Variants in DACH2 observed in about 807,000 individuals in gnomAD.
DACH2 encodes dachshund homolog 2.
Under a neutral mutation model 35.8 loss-of-function variants are expected in DACH2, and 17 were observed. The ratio of observed to expected loss-of-function variants is 0.48; its 90% CI spans 0.33 to 0.71. The LOEUF is 0.71. DACH2 is among the 30% of genes least tolerant of loss of function. The pLI is 0.02. For synonymous variants in DACH2, 195 were observed against 177.3 expected (o/e 1.10, Z -0.79); for missense variants, 469 against 472.7 (o/e 0.99, Z 0.07).
At chrX:86,359,548 G>T (rs2035703683) in intron 1 of DACH2, among the ~76,000 whole-genome samples, 1 of 111,543 alleles carries the variant, frequency 9.0e-6, no homozygotes, top group Non-Finnish European at 1.9e-5. Context: ...AGGAATTGGA[G>T]ACCAGCCTGG....
chrX:86,436,869 G>A (rs1026422541), intron 2 of DACH2, among the ~76,000 whole-genome samples: 12 of 111,514 alleles, frequency 1.1e-4, no homozygotes, highest in Admixed American at 1.1e-3. Flanking sequence ...TTTGGTAGAT[G>A]TGTCTTTCAA....
chrX:86,807,037 A>G (rs1051636873), intron 7 of DACH2, among the ~76,000 whole-genome samples: 4 of 111,474 alleles, frequency 3.6e-5, no homozygotes, highest in African/African-American at 1.3e-4. Context: ...AGCTATTGCC[A>G]TATGTCCTCT....
intron 6 of DACH2, among the ~76,000 whole-genome samples, chrX:86,721,689 A>G (rs7472461): frequency 0.23 from 25,567 of 110,623 alleles, 2,423 homozygotes; most frequent in Admixed American, 0.44. Flanking sequence ...GTGCCGCACT[A>G]TCTCCATACA....
chrX:86,175,012 A>C (rs1329827990), intron 1 of DACH2, among the ~76,000 whole-genome samples: 1 of 111,757 alleles, frequency 8.9e-6, no homozygotes, highest in Non-Finnish European at 1.9e-5. Context: ...AGAGATGTAG[A>C]GTAGGCATTA....
At chrX:86,526,164 A>G (rs899274958) in intron 3 of DACH2, among the ~76,000 whole-genome samples, 1 of 111,017 alleles carries the variant, frequency 9.0e-6, no homozygotes, top group Non-Finnish European at 1.9e-5. Flanking sequence ...GTCAAAATAT[A>G]TTCTGTATCC....
chrX:86,346,184 T>G (rs186894257), intron 1 of DACH2, among the ~76,000 whole-genome samples: 1 of 111,487 alleles, frequency 9.0e-6, no homozygotes, highest in East Asian at 2.8e-4. Flanking sequence ...TAGTACACAG[T>G]GCACAATAAT....
intron 1 of DACH2, among the ~76,000 whole-genome samples, chrX:86,322,864 A>T (rs1250398231): frequency 2.7e-5 from 3 of 112,300 alleles, no homozygotes; most frequent in Non-Finnish European, 5.6e-5. Flanking sequence ...TCTTAGGAAA[A>T]CATAAGGGTC....
intron 5 of DACH2, among the ~76,000 whole-genome samples, chrX:86,710,163 C>T (rs1295240765): frequency 8.9e-6 from 1 of 112,232 alleles, no homozygotes; most frequent in Non-Finnish European, 1.9e-5. Context: ...TATATATGTA[C>T]TATGGAAACA....
At chrX:86,159,658 T>C (rs1373266302) in intron 1 of DACH2, among the ~76,000 whole-genome samples, 2 of 112,047 alleles carry the variant, frequency 1.8e-5, no homozygotes, top group Non-Finnish European at 3.8e-5. Flanking sequence ...TGTGCAAGGC[T>C]CCTTATCAGG....
chrX:86,656,271 A>G (rs1569461191), intron 4 of DACH2, among the ~76,000 whole-genome samples: 1 of 111,050 alleles, frequency 9.0e-6, no homozygotes, highest in East Asian at 2.8e-4. Flanking sequence ...TAGGTTAACT[A>G]TAAAGCACCT....
chrX:86,370,881 A>G (rs1208256575), intron 1 of DACH2, among the ~76,000 whole-genome samples: 3 of 111,513 alleles, frequency 2.7e-5, no homozygotes, highest in African/African-American at 9.8e-5. Context: ...ATCATGCTTG[A>G]TGGTACATAT....
At chrX:86,467,781 T>C (rs940647904) in intron 2 of DACH2, among the ~76,000 whole-genome samples, 2 of 111,774 alleles carry the variant, frequency 1.8e-5, no homozygotes, top group African/African-American at 6.5e-5. Context: ...ACAATCATGG[T>C]GGAAGGGAAA....
chrX:86,405,531 A>G (rs1413674742), intron 2 of DACH2, among the ~76,000 whole-genome samples: 2 of 111,430 alleles, frequency 1.8e-5, no homozygotes, highest in Non-Finnish European at 3.8e-5. Context: ...TTTTGGTCAA[A>G]GCCATTCAAC....
chrX:86,538,592 T>C (rs1244950369), intron 3 of DACH2, among the ~76,000 whole-genome samples: 4 of 111,862 alleles, frequency 3.6e-5, no homozygotes, highest in African/African-American at 1.3e-4. Context: ...GGATGGCAAC[T>C]GTGAAGGCCT....
intron 3 of DACH2, among the ~76,000 whole-genome samples, chrX:86,618,163 G>A (rs1224043143): frequency 9.0e-6 from 1 of 111,493 alleles, no homozygotes; most frequent in Non-Finnish European, 1.9e-5. Flanking sequence ...TATTTGGGAG[G>A]CTGAAGTGGG....
chrX:86,694,916 T>A (rs998529191), intron 4 of DACH2, 105 bp from the exon 5 acceptor site: 2 of 566,304 alleles, frequency 3.5e-6, no homozygotes, highest in Non-Finnish European at 5.0e-6. Context: ...TCAATAATAA[T>A]TTCCTAAGAG....
chrX:86,491,380 C>T (rs902258317), intron 2 of DACH2, among the ~76,000 whole-genome samples: 2 of 111,777 alleles, frequency 1.8e-5, no homozygotes, highest in African/African-American at 6.5e-5. Context: ...TTTTGAAATA[C>T]AAGGACCTCT....
At chrX:86,435,793 T>A (rs756189043) in intron 2 of DACH2, among the ~76,000 whole-genome samples, 1 of 111,817 alleles carries the variant, frequency 8.9e-6, no homozygotes, top group Non-Finnish European at 1.9e-5. Context: ...AGGGTGAGAA[T>A]GTGCATTCAT....
chrX:86,487,283 G>A (rs758109544), intron 2 of DACH2, among the ~76,000 whole-genome samples: 5 of 111,683 alleles, frequency 4.5e-5, no homozygotes, highest in Non-Finnish European at 9.4e-5. Context: ...TTCAACGCTA[G>A]CAAAAGCCTA....
Sources: allele counts gnomAD v4.1 joint callset (sites outside exome capture counted in the v4.1 genomes callset), GRCh38; gene constraint gnomAD v4.1.1; transcripts MANE v1.5; gene names NCBI Gene and HGNC (gene_info 2026-07-23, HGNC 2026-07-21).